The following FBXO21 variants were observed in gnomAD, a reference collection of about 807,000 sequenced individuals.
FBXO21 encodes the protein F-box protein 21.
Under a neutral mutation model 76.6 loss-of-function variants are expected in FBXO21, and 32 were observed. The observed-to-expected ratio is 0.42, with a 90% CI of 0.32 to 0.56. The LOEUF is 0.56. FBXO21 is among the 20% of genes least tolerant of loss of function. FBXO21 has a pLI of 0.16. For missense variants in FBXO21, 586 were observed against 797.3 expected (o/e 0.73, Z 3.19); for synonymous variants, 328 against 311.5 (o/e 1.05, Z -0.56).
At chr12:117,172,708 T>TG in intron 6 of FBXO21, 101 bp from the exon 7 acceptor site, 1 of 1,253,164 alleles carries the variant, frequency 8.0e-7, no homozygotes, top group Admixed American at 2.2e-5. Context: ...TTGGGCATGA[T>TG]GCTCATTTGT....
Position 117,190,433 on chromosome 12 carries a change from G to C in FBXO21, c.24C>G (p.Ser8Arg), listed in dbSNP as rs192728619. Residue 8 changes from serine (S) to arginine (R), a missense_variant, in exon 1 of 12, where the codon AGC becomes AGG. By Grantham distance (110) the Ser-to-Arg change is moderately radical. Around this residue, in one of 6 missense-constraint regions of FBXO21, gnomAD observed 152 missense variants for 127.2 expected, o/e 1.19. Coordinates refer to ENST00000622495, the MANE Select transcript of FBXO21 (RefSeq NM_015002.3). Reference protein sequence around the residue: MAAAAVDSAMEVVPALAE... With the variant: MAAAAVDRAMEVVPALAE... ...CCAGCGCCGGCACCACCTCCATCGC[G>C]CTGTCGACTGCTGCCGCCGCCATCT... The C allele has an allele frequency of 7.1e-7, 1 of 1,403,802 alleles. No homozygotes were observed. Among genetic ancestry groups the C allele is most frequent in the Non-Finnish European group, 9.5e-7 (1 of 1,054,236 alleles). 87.0% of individuals were successfully genotyped at this position (1,403,802 alleles called of 1,614,324 possible).
Position 117,145,893 on chromosome 12 carries a change from G to A in FBXO21, c.*194C>T, listed in dbSNP as rs1196687275. 2.1e-5 allele frequency: 10 copies of A among 483,998 alleles called. No individual in the cohort carries two copies. Among genetic ancestry groups the A allele is most frequent in the African/African-American group, 1.2e-4 (6 of 50,976 alleles). The allele number at this position is 483,998 out of a possible 1,614,324, so 30.0% of individuals were successfully genotyped here. A position where few individuals can be genotyped will look rare whatever the true frequency, so the allele number is the denominator to read the frequency against. ...TTCAGATTAATTCACTAGTGTAGGC[G>A]GAGAGCAACATTGTCTTTGCAGCTG... On this transcript the variant is annotated 3_prime_UTR_variant, in exon 12 of 12. Transcript: ENST00000622495.
intron 9 of FBXO21, among the ~76,000 whole-genome samples, chr12:117,161,908 A>G (rs147381788): frequency 6.6e-6 from 1 of 152,364 alleles, no homozygotes; most frequent in African/African-American, 2.4e-5. Context: ...TGACAGGGCA[A>G]GATACAGAAA....
intron 9 of FBXO21, among the ~76,000 whole-genome samples, chr12:117,159,389 A>G (rs1242145725): frequency 1.3e-5 from 2 of 152,074 alleles, no homozygotes; most frequent in Non-Finnish European, 2.9e-5. Context: ...CCGGGGTCAC[A>G]GGGTTGTGGA....
At chr12:117,160,269 C>G (rs1313982592) in intron 9 of FBXO21, among the ~76,000 whole-genome samples, 2 of 152,154 alleles carry the variant, frequency 1.3e-5, no homozygotes, top group Non-Finnish European at 2.9e-5. Context: ...CTTTGTGAAT[C>G]TGGCCCACAA....
chr12:117,184,340 T>C (rs1339579036), intron 3 of FBXO21, among the ~76,000 whole-genome samples: 6 of 152,192 alleles, frequency 3.9e-5, no homozygotes, highest in African/African-American at 1.4e-4. Flanking sequence ...ATCTATTTTA[T>C]GTCTTTCAAT....
At position 117,160,545 on chromosome 12, in the gene FBXO21, C is replaced by CT. The variant is rs201162781; in HGVS notation, c.1327-2483dup. ...AACAGGCCTGCTCTCCAAATACCTA[C>CT]TTTCAGAGTGGCATAAACTGCCCCC... is the stretch of plus-strand genomic sequence containing the variant. On this transcript the variant is annotated intron_variant, in intron 9 of 11. Transcript: ENST00000622495. 4.6e-3 allele frequency among the ~76,000 whole-genome samples: 706 copies of CT among 152,356 alleles called. 9 individuals are homozygous for CT. The highest frequency in any genetic ancestry group is 0.016 in the African/African-American group (675 of 41,588).
intron 9 of FBXO21, among the ~76,000 whole-genome samples, chr12:117,162,095 A>G (rs1234859458): frequency 6.6e-6 from 1 of 152,176 alleles, no homozygotes; most frequent in Non-Finnish European, 1.5e-5. Context: ...GAAAGGTGGC[A>G]ACCCAGGGAA....
In FBXO21 at chr12:117,190,418, C is replaced by T. The variant is rs749992566; in HGVS notation, c.39G>A (p.Val13=). The change falls in exon 1 of 12, where the codon GTG becomes GTA. Residue 13 remains valine (V), a synonymous_variant. Transcript: ENST00000622495. ...AAAVDSAMEV[V]PALAEEAAPE... ...GCGCGGCCTCCTCCGCCAGCGCCGG[C>T]ACCACCTCCATCGCGCTGTCGACTG... 8.2e-6 allele frequency: 12 copies of T among 1,467,048 alleles called. No individual in the cohort carries two copies. The highest frequency in any genetic ancestry group is 5.8e-5 in the African/African-American group (4 of 68,472). 90.9% of individuals were successfully genotyped at this position (1,467,048 alleles called of 1,614,324 possible).
Position 117,165,530 on chromosome 12 carries a change from G to A in FBXO21, c.1281C>T (p.Leu427=), listed in dbSNP as rs1956044422. 1 of 1,613,852 alleles carries A rather than the reference G, an allele frequency of 6.2e-7. No homozygotes were observed. Among genetic ancestry groups the A allele is most frequent in the African/African-American group, 1.3e-5 (1 of 74,922 alleles). ...AMYPDQVQLL[L]LQARLYFHLG... ...GGTGGAAGTAAAGCCTGGCTTGGAG[G>A]AGGAGAAGCTGCACCTGGTCCGGGT... is the stretch of plus-strand genomic sequence containing the variant. Residue 427 remains leucine (L), a synonymous_variant, in exon 9 of 12, where the codon CTC becomes CTT. Coordinates refer to ENST00000622495, the MANE Select transcript of FBXO21 (RefSeq NM_015002.3).
In FBXO21 at chr12:117,142,673, C is replaced by CAAAAAAAAA. The variant is rs761025781; in HGVS notation, c.*3405_*3413dup. ...TCCAGTTGATGTCTCTCCTTCCCTC[C>CAAAAAAAAA]AAAAAAAAAAAAAAAAAAAAAAGAC... On this transcript the variant is annotated 3_prime_UTR_variant, in exon 12 of 12. Coordinates refer to ENST00000622495, the MANE Select transcript of FBXO21 (RefSeq NM_015002.3). 1 of 100,694 alleles carries CAAAAAAAAA rather than the reference C, an allele frequency of 9.9e-6. No individual in the cohort carries two copies. Among genetic ancestry groups the CAAAAAAAAA allele is most frequent in the East Asian group, 3.0e-4 (1 of 3,302 alleles). 6.2% of individuals were successfully genotyped at this position (100,694 alleles called of 1,614,324 possible).
In FBXO21 at chr12:117,145,971, G is replaced by T; in HGVS notation, c.*116C>A. 1 of 734,742 alleles carries T rather than the reference G, an allele frequency of 1.4e-6. No homozygotes were observed. Among genetic ancestry groups the T allele is most frequent in the Non-Finnish European group, 2.2e-6 (1 of 458,918 alleles). The allele number at this position is 734,742 out of a possible 1,614,324, so 45.5% of individuals were successfully genotyped here. On this transcript the variant is annotated 3_prime_UTR_variant, in exon 12 of 12. Transcript: ENST00000622495. ...GTAGGAGGCAACCAGCACTACTGGT[G>T]GAGTGGCTTTCCTGGTGCAGCAGGT... is the stretch of plus-strand genomic sequence containing the variant.
chr12:117,164,701 T>C (rs1057453909), intron 9 of FBXO21, among the ~76,000 whole-genome samples: 2 of 152,230 alleles, frequency 1.3e-5, no homozygotes, highest in Admixed American at 6.5e-5. Flanking sequence ...GAGTCACTTG[T>C]AATATTTACT....
chr12:117,172,353 C>G, intron 7 of FBXO21, 118 bp downstream of exon 7: 1 of 1,112,500 alleles, frequency 9.0e-7, no homozygotes, highest in East Asian at 2.4e-5. Context: ...CCATCACCAC[C>G]CTAGTCCTAT....
chr12:117,143,297 G>T lies in FBXO21; in HGVS notation c.*2790C>A, dbSNP rs1253048260. The T allele has an allele frequency of 6.6e-6, 1 of 152,190 alleles. No individual in the cohort carries two copies. The highest frequency in any genetic ancestry group is 6.5e-5 in the Admixed American group (1 of 15,284). The allele number at this position is 152,190 out of a possible 1,614,324, so 9.4% of individuals were successfully genotyped here. A position where few individuals can be genotyped will look rare whatever the true frequency, so the allele number is the denominator to read the frequency against. ...TTCTCTTAGAAAGTCACGACGCACA[G>T]TACTGTGCGTCACAGGTATTGAGAA... On this transcript the variant is annotated 3_prime_UTR_variant, in exon 12 of 12. Transcript: ENST00000622495.
In FBXO21 at chr12:117,158,075, G is replaced by C; in HGVS notation, c.1327-12C>G. On this transcript the variant is annotated splice_polypyrimidine_tract_variant and intron_variant, in intron 9 of 11. Transcript: ENST00000622495. The stretch of plus-strand genomic sequence containing the variant: ...AGGATGTCAAGCACCTTCAAAACAA[G>C]ACAGAAAGACTAAAAGATAATATTT... The C allele has an allele frequency of 6.2e-7, 1 of 1,613,842 alleles. No individual in the cohort carries two copies. Among genetic ancestry groups the C allele is most frequent in the Non-Finnish European group, 8.5e-7 (1 of 1,179,920 alleles).
At chr12:117,167,170 G>T (rs1170206837) in intron 7 of FBXO21, 93 bp from the exon 8 acceptor site, 1 of 928,974 alleles carries the variant, frequency 1.1e-6, no homozygotes, top group Admixed American at 2.2e-5. Flanking sequence ...TGAAGGTTGA[G>T]ACCATAACAT....
At chr12:117,147,530 G>A (rs548344341) in intron 11 of FBXO21, among the ~76,000 whole-genome samples, 55 of 149,678 alleles carry the variant, frequency 3.7e-4, no homozygotes, top group African/African-American at 1.2e-3. Flanking sequence ...CCTGGGAGGC[G>A]GAGGTTGCAG....
intron 10 of FBXO21, among the ~76,000 whole-genome samples, chr12:117,157,043 C>G (rs555156511): frequency 2.0e-5 from 3 of 151,882 alleles, no homozygotes; most frequent in African/African-American, 7.3e-5. Context: ...ATTAGCCAGG[C>G]GTGGTGGTGT....
Sources: allele counts gnomAD v4.1 joint callset (sites outside exome capture counted in the v4.1 genomes callset), GRCh38; gene constraint gnomAD v4.1.1; regional missense constraint gnomAD v4.1.1; transcripts MANE v1.5; gene names NCBI Gene and HGNC (gene_info 2026-07-23, HGNC 2026-07-21).